Variants in TP53I11 observed in about 807,000 individuals in gnomAD.
The protein encoded by TP53I11 is tumor protein p53-inducible protein 11.
A neutral mutation model predicts 23.3 loss-of-function variants in TP53I11; 9 were observed. That is an observed-to-expected ratio of 0.39 (90% CI 0.23 to 0.67). The LOEUF is 0.67. Ranked by LOEUF, TP53I11 falls within the 30% of genes least tolerant of loss-of-function variation. The pLI is 0.48. For synonymous variants in TP53I11, 100 were observed against 106.1 expected, an observed-to-expected ratio of 0.94 and a Z score of 0.35; for missense variants, 170 against 255.2, an observed-to-expected ratio of 0.67 and a Z score of 2.27.
Position 44,933,175 on chromosome 11 carries a change from C to G in TP53I11, c.*1709G>C, listed in dbSNP as rs895679159. ...TCAGGGTCCAGCCTCCCATTCTGCTCTGCCACGTTTACCAAGCAGAGTCTC... is the reference window on the plus strand; with the variant it reads ...TCAGGGTCCAGCCTCCCATTCTGCTGTGCCACGTTTACCAAGCAGAGTCTC... On this transcript the variant is annotated 3_prime_UTR_variant, in exon 7 of 7. Coordinates refer to ENST00000525680, the MANE Select transcript of TP53I11 (RefSeq NM_006034.5). 3 of 152,288 alleles carry G rather than the reference C, an allele frequency of 2.0e-5. No individual in the cohort carries two copies. The highest frequency in any genetic ancestry group is 4.4e-5 in the Non-Finnish European group (3 of 68,100). The allele number at this position is 152,288 out of a possible 1,614,324, so 9.4% of individuals were successfully genotyped here.
At chr11:44,938,173 A>T (rs984079769) in intron 2 of TP53I11, 34 bp downstream of exon 2, 1 of 1,599,716 alleles carries the variant, frequency 6.3e-7, no homozygotes, top group African/African-American at 1.3e-5. Context: ...TGGCCTCCCC[A>T]GTGGGTGCCG....
chr11:44,936,725 CCCCCGTGCTCTCCTCAG>C lies in TP53I11; in HGVS notation c.334+61_334+77del. 5 of 1,366,314 alleles carry C rather than the reference CCCCCGTGCTCTCCTCAG, an allele frequency of 3.7e-6. No homozygotes were observed. Among genetic ancestry groups the C allele is most frequent in the Non-Finnish European group, 4.8e-6 (5 of 1,051,928 alleles). 84.6% of individuals were successfully genotyped at this position (1,366,314 alleles called of 1,614,324 possible). A position where few individuals can be genotyped will look rare whatever the true frequency, so the allele number is the denominator to read the frequency against. ...AAAGGAAGGGGTGCCCGGGCACGGA[CCCCCGTGCTCTCCTCAG>C]CCCCGCTGGGTCTCCCAGCTGCCCG... On this transcript the variant is annotated intron_variant, in intron 5 of 6. Transcript: ENST00000525680. The surrounding 1 kb of genome is among the most constrained non-coding windows in gnomAD (Gnocchi z 4.4).
rs191610692 is a variant in TP53I11, at chr11:44,937,886, C to T, written c.130-273G>A. On this transcript the variant is annotated intron_variant, in intron 2 of 6. Transcript: ENST00000525680. ...CTTGAAGCCTGGTCCTGCCACTTACCGGTGTGGCCTTGGGCAAGTTGCCTA... is the reference window on the plus strand; with the variant it reads ...CTTGAAGCCTGGTCCTGCCACTTACTGGTGTGGCCTTGGGCAAGTTGCCTA... 3.4e-3 allele frequency among the ~76,000 whole-genome samples: 522 copies of T among 152,334 alleles called. 5 individuals carry two copies. Among genetic ancestry groups the T allele is most frequent in the African/African-American group, 0.012 (508 of 41,562 alleles).
At chr11:44,942,413 C>CCA (rs1332910589) in intron 1 of TP53I11, among the ~76,000 whole-genome samples, 8 of 141,476 alleles carry the variant, frequency 5.7e-5, no homozygotes, top group Non-Finnish European at 1.2e-4. Context: ...CACACACACA[C>CCA]CACACACACA....
At position 44,936,930 on chromosome 11, in the gene TP53I11, C is replaced by T. The variant is rs759158762; in HGVS notation, c.238-31G>A. The T allele has an allele frequency of 3.9e-6, 6 of 1,519,466 alleles. No homozygotes were observed. In the East Asian group the frequency reaches 9.2e-5, roughly 23 times the overall value. 94.1% of individuals were successfully genotyped at this position (1,519,466 alleles called of 1,614,324 possible). On this transcript the variant is annotated intron_variant, in intron 4 of 6. Coordinates refer to ENST00000525680, the MANE Select transcript of TP53I11 (RefSeq NM_006034.5). This position sits in a 1 kb window ranked among gnomAD's most constrained non-coding sequence, Gnocchi z 4.4. The stretch of plus-strand genomic sequence containing the variant: ...GGCAGCGAGAGGGGCTCAGAGGTCC[C>T]GCTTGGGAGAGGGTGGGGGGTGACA...
intron 1 of TP53I11, among the ~76,000 whole-genome samples, chr11:44,945,910 G>T (rs1590795014): frequency 6.6e-6 from 1 of 152,202 alleles, no homozygotes; most frequent in Non-Finnish European, 1.5e-5. Flanking sequence ...CCTTGGGCAG[G>T]ATGGAGTCTA....
chr11:44,944,923 C>T (rs941138544), intron 1 of TP53I11, among the ~76,000 whole-genome samples: 1 of 152,218 alleles, frequency 6.6e-6, no homozygotes, highest in Non-Finnish European at 1.5e-5. Flanking sequence ...CTTCCCCAAC[C>T]CCCTGTCTCT....
chr11:44,944,958 G>T (rs1045625128), intron 1 of TP53I11, among the ~76,000 whole-genome samples: 1 of 152,246 alleles, frequency 6.6e-6, no homozygotes, highest in Non-Finnish European at 1.5e-5. Context: ...GGTTTCTATA[G>T]AAACAGATGG....
At chr11:44,943,038 G>A (rs1006419629) in intron 1 of TP53I11, 1 of 152,178 alleles carries the variant, frequency 6.6e-6, no homozygotes, top group African/African-American at 2.4e-5. Flanking sequence ...CAGGGGACCT[G>A]GGTTTGAGTC....
intron 5 of TP53I11, chr11:44,935,982 G>A (rs894248026): frequency 7.2e-5 from 31 of 428,528 alleles, no homozygotes; most frequent in African/African-American, 2.8e-4. Flanking sequence ...GCCCATGTCC[G>A]GTTCTGTCAG....
At chr11:44,942,183 C>T (rs1292635820) in intron 1 of TP53I11, among the ~76,000 whole-genome samples, 1 of 136,776 alleles carries the variant, frequency 7.3e-6, no homozygotes, top group Non-Finnish European at 1.6e-5. Context: ...ACACAAAACA[C>T]ACACACACCA....
intron 1 of TP53I11, among the ~76,000 whole-genome samples, chr11:44,948,541 C>T (rs2135518664): frequency 6.6e-6 from 1 of 152,258 alleles, no homozygotes; most frequent in African/African-American, 2.4e-5. Flanking sequence ...CCTCTCAGTA[C>T]ACTATATAAT....
intron 4 of TP53I11, 106 bp downstream of exon 4, chr11:44,937,198 G>A: frequency 7.2e-7 from 1 of 1,397,922 alleles, no homozygotes; most frequent in Non-Finnish European, 9.9e-7. Context: ...TGACAGATGG[G>A]CCCCTGCACG....
chr11:44,939,703 T>C (rs1237567262), intron 1 of TP53I11, among the ~76,000 whole-genome samples: 2 of 150,410 alleles, frequency 1.3e-5, no homozygotes, highest in African/African-American at 4.9e-5. Flanking sequence ...CCGGATCAAC[T>C]AGGGAGGCAG....
intron 6 of TP53I11, among the ~76,000 whole-genome samples, chr11:44,935,226 G>A (rs1235103482): frequency 1.3e-5 from 2 of 152,210 alleles, no homozygotes; most frequent in African/African-American, 4.8e-5. Context: ...GCAGGAACTG[G>A]GGCACAGCAG....
rs1861080226 is a variant in TP53I11, at chr11:44,936,092, G to A, written c.335-430C>T. 2.1e-6 allele frequency: 1 copy of A among 470,034 alleles called. No individual in the cohort carries two copies. The highest frequency in any genetic ancestry group is 2.9e-6 in the Non-Finnish European group (1 of 347,306). 29.1% of individuals were successfully genotyped at this position (470,034 alleles called of 1,614,324 possible). ...CTCCCAGACAGAAAACCTGAGCCCG[G>A]TAAGGACTCGCTTTAAGGAAGTCCC... On this transcript the variant is annotated intron_variant, in intron 5 of 6. Transcript: ENST00000525680. This position sits in a 1 kb window ranked among gnomAD's most constrained non-coding sequence, Gnocchi z 4.4.
At chr11:44,938,434 G>A (rs1378330573) in intron 1 of TP53I11, 68 bp from the exon 2 acceptor site, 1 of 1,427,034 alleles carries the variant, frequency 7.0e-7, no homozygotes, top group Middle Eastern at 1.9e-4. Flanking sequence ...GAAGGGGCCT[G>A]ACTAGCGGAA....
intron 4 of TP53I11, 145 bp downstream of exon 4, chr11:44,937,159 G>A (rs148288343): frequency 6.4e-5 from 66 of 1,036,822 alleles, no homozygotes; most frequent in African/African-American, 4.2e-4. Flanking sequence ...CAGTGTAGGA[G>A]TCAGGTTCTC....
rs1333570210 is a variant in TP53I11, at chr11:44,932,940, C to A, written c.*1944G>T. 6.6e-6 allele frequency: 1 copy of A among 152,258 alleles called. No individual in the cohort carries two copies. Among genetic ancestry groups the A allele is most frequent in the Non-Finnish European group, 1.5e-5 (1 of 68,054 alleles). The allele number at this position is 152,258 out of a possible 1,614,324, so 9.4% of individuals were successfully genotyped here. A position where few individuals can be genotyped will look rare whatever the true frequency, so the allele number is the denominator to read the frequency against. The stretch of plus-strand genomic sequence containing the variant: ...CTGCAGTTATGGGAGGACAAACCAA[C>A]CATCACTATTAGAGGATTAGGCCTG... On this transcript the variant is annotated 3_prime_UTR_variant, in exon 7 of 7. Coordinates refer to ENST00000525680, the MANE Select transcript of TP53I11 (RefSeq NM_006034.5).
Sources: allele counts gnomAD v4.1 joint callset (sites outside exome capture counted in the v4.1 genomes callset), GRCh38; gene constraint gnomAD v4.1.1; non-coding constraint Gnocchi (gnomAD v3.1); transcripts MANE v1.5; gene names NCBI Gene and HGNC (gene_info 2026-07-23, HGNC 2026-07-21).